The following PTPN14 variants were observed in gnomAD, a reference collection of about 807,000 sequenced individuals.
PTPN14 encodes the protein tyrosine-protein phosphatase non-receptor type 14.
A neutral mutation model predicts 126.8 loss-of-function variants in PTPN14; 53 were observed. That is an observed-to-expected ratio of 0.42 (90% CI 0.34 to 0.53). PTPN14 has a LOEUF of 0.53. Ranked by LOEUF, PTPN14 falls within the 20% of genes least tolerant of loss-of-function variation. The pLI, the probability that PTPN14 is intolerant of heterozygous loss-of-function variation, is 0.08. For synonymous variants in PTPN14, 630 were observed against 599.3 expected, an observed-to-expected ratio of 1.05 and a Z score of -0.75; for missense variants, 1,257 against 1,552.9, an observed-to-expected ratio of 0.81 and a Z score of 3.20.
At chr1:214,466,922 T>C (rs1320525128) in intron 1 of PTPN14, among the ~76,000 whole-genome samples, 1 of 152,196 alleles carries the variant, frequency 6.6e-6, no homozygotes, top group African/African-American at 2.4e-5. Context: ...TGTCAGGTTA[T>C]AACCCTGCAA....
intron 14 of PTPN14, among the ~76,000 whole-genome samples, chr1:214,377,268 C>T (rs932809893): frequency 1.3e-5 from 2 of 152,148 alleles, no homozygotes; most frequent in African/African-American, 4.8e-5. Context: ...CAAACTAAAG[C>T]AGAAACAGAA....
At chr1:214,531,014 G>A (rs970668066) in intron 1 of PTPN14, 1 of 151,914 alleles carries the variant, frequency 6.6e-6, no homozygotes. Flanking sequence ...ATAAACAAAC[G>A]GGTCCTTACC....
At chr1:214,395,588 A>AACACACACACACACACACAC (rs57357032) in intron 8 of PTPN14, among the ~76,000 whole-genome samples, 65 of 132,544 alleles carry the variant, frequency 4.9e-4, no homozygotes, top group East Asian at 4.9e-3. Context: ...GGGACCCAAC[A>AACACACACACACACACACAC]ACACACACAC....
In PTPN14 at chr1:214,464,851, C is replaced by T. The variant is rs1558114999; in HGVS notation, c.-48G>A. The T allele has an allele frequency of 6.2e-7, 1 of 1,600,198 alleles. No individual in the cohort carries two copies. The highest frequency in any genetic ancestry group is 1.7e-5 in the Admixed American group (1 of 59,542). On this transcript the variant is annotated 5_prime_UTR_variant, in exon 2 of 19. Transcript: ENST00000366956. The stretch of plus-strand genomic sequence containing the variant: ...GCCCGCCTATCCTGGCGCACACGCC[C>T]CTGAGATGGCCTTAGCAGTTTCGTG...
At chr1:214,541,336 T>C (rs1571659166) in intron 1 of PTPN14, among the ~76,000 whole-genome samples, 2 of 152,118 alleles carry the variant, frequency 1.3e-5, no homozygotes, top group South Asian at 4.2e-4. Flanking sequence ...TTGGAGAAGG[T>C]TCACAGGGAG....
At chr1:214,534,485 G>A (rs866375211) in intron 1 of PTPN14, among the ~76,000 whole-genome samples, 5 of 151,922 alleles carry the variant, frequency 3.3e-5, no homozygotes, top group Admixed American at 6.6e-5. Context: ...AGGCCGAGGC[G>A]GGCGGATCAC....
At chr1:214,457,279 A>G (rs1386653149) in intron 2 of PTPN14, among the ~76,000 whole-genome samples, 1 of 152,222 alleles carries the variant, frequency 6.6e-6, no homozygotes, top group East Asian at 1.9e-4. Flanking sequence ...GATAAATTAG[A>G]GGATAAGGAC....
chr1:214,452,622 G>A (rs1464624252), intron 2 of PTPN14, among the ~76,000 whole-genome samples: 3 of 152,212 alleles, frequency 2.0e-5, no homozygotes, highest in Non-Finnish European at 4.4e-5. Context: ...CCTGGTGGCT[G>A]TTCTTGGCAG....
At chr1:214,405,142 G>A (rs1207183970) in intron 5 of PTPN14, among the ~76,000 whole-genome samples, 2 of 152,182 alleles carry the variant, frequency 1.3e-5, no homozygotes, top group African/African-American at 2.4e-5. Context: ...ATCCCATAAC[G>A]TCATGCAGTG....
intron 1 of PTPN14, among the ~76,000 whole-genome samples, chr1:214,525,157 C>A (rs944114145): frequency 5.9e-5 from 9 of 152,112 alleles, no homozygotes; most frequent in African/African-American, 2.2e-4. Context: ...GAAGTCGGTG[C>A]CAGCACTGTG....
At chr1:214,452,794 C>A (rs558862157) in intron 2 of PTPN14, among the ~76,000 whole-genome samples, 2 of 152,306 alleles carry the variant, frequency 1.3e-5, no homozygotes, top group Admixed American at 6.5e-5. Flanking sequence ...AGGATTAGCA[C>A]AACAATCACC....
intron 1 of PTPN14, chr1:214,532,822 A>C: frequency 1.1e-6 from 1 of 900,886 alleles, no homozygotes; most frequent in Non-Finnish European, 1.8e-6. Flanking sequence ...CTTCATGAAG[A>C]ACCACAAAGA....
chr1:214,372,612 GGAA>G (rs1658243991), intron 16 of PTPN14, 96 bp downstream of exon 16: 5 of 1,549,824 alleles, frequency 3.2e-6, no homozygotes, highest in Non-Finnish European at 4.4e-6. Flanking sequence ...CAGCACTGCA[GGAA>G]GAAGGATAGG....
At chr1:214,540,076 A>G (rs1655799442) in intron 1 of PTPN14, among the ~76,000 whole-genome samples, 1 of 152,192 alleles carries the variant, frequency 6.6e-6, no homozygotes, top group Non-Finnish European at 1.5e-5. Flanking sequence ...ATAATATTCC[A>G]TAAGAAATTC....
chr1:214,379,384 G>A (rs1345291550), intron 13 of PTPN14, among the ~76,000 whole-genome samples: 3 of 152,162 alleles, frequency 2.0e-5, no homozygotes, highest in East Asian at 1.9e-4. Flanking sequence ...ACTGCATGAC[G>A]CCCTTCCATG....
At chr1:214,387,053 C>G in intron 11 of PTPN14, 131 bp from the exon 12 acceptor site, 1 of 740,408 alleles carries the variant, frequency 1.4e-6, no homozygotes, top group Non-Finnish European at 2.3e-6. Flanking sequence ...GTCCCTGCCA[C>G]CCCTTTGACT....
At chr1:214,513,702 T>C (rs926737780) in intron 1 of PTPN14, among the ~76,000 whole-genome samples, 1 of 152,170 alleles carries the variant, frequency 6.6e-6, no homozygotes, top group African/African-American at 2.4e-5. Flanking sequence ...CCACATCTGC[T>C]ACTGCTAGCT....
In PTPN14 at chr1:214,376,368, T is replaced by G. The variant is rs138595241; in HGVS notation, c.2758A>C (p.Lys920Gln). The change falls in exon 15 of 19, where the codon AAG becomes CAG. Residue 920 changes from lysine to glutamine, a missense_variant. Around this residue, in one of 3 missense-constraint regions of PTPN14, gnomAD observed 65 missense variants for 139.7 expected, o/e 0.47. Coordinates refer to ENST00000366956, the MANE Select transcript of PTPN14 (RefSeq NM_005401.5). ...GCTGTGCTGAAAATGCCATTCGCCT[T>G]TTTCTTTGGAATTTGCTCATATTCT... The part of the protein sequence containing the change: ...FTEYEQIPKK[K>Q]ANGIFSTAAL... The G allele has an allele frequency of 1.2e-5, 20 of 1,614,092 alleles. No homozygotes were observed. The African/African-American group carries it at 2.7e-4, about 22-fold the overall frequency.
chr1:214,502,689 G>A (rs545009784), intron 1 of PTPN14, among the ~76,000 whole-genome samples: 3 of 152,038 alleles, frequency 2.0e-5, no homozygotes, highest in African/African-American at 7.2e-5. Flanking sequence ...TAAACGTTAC[G>A]AAAAAATGTT....
Sources: allele counts gnomAD v4.1 joint callset (sites outside exome capture counted in the v4.1 genomes callset), GRCh38; gene constraint gnomAD v4.1.1; regional missense constraint gnomAD v4.1.1; transcripts MANE v1.5; gene names NCBI Gene and HGNC (gene_info 2026-07-23, HGNC 2026-07-21).